The following DLC1 variants were observed in gnomAD, a reference collection of about 807,000 sequenced individuals.
DLC1 encodes the protein DLC1 Rho GTPase activating protein.
DLC1 carries 54 observed loss-of-function variants against 140.3 expected under a neutral mutation model. The observed-to-expected ratio is 0.38, with a 90% confidence interval of 0.31 to 0.48. The LOEUF is 0.48. DLC1 is among the 20% of genes least tolerant of loss of function. DLC1 has a pLI of 0.96. For synonymous variants in DLC1, 986 were observed against 728.1 expected (o/e 1.35, Z -5.70); for missense variants, 2,536 against 1,907.0 (o/e 1.33, Z -6.14).
At chr8:13,344,248 C>T (rs1834207543) in intron 4 of DLC1, among the ~76,000 whole-genome samples, 1 of 152,160 alleles carries the variant, frequency 6.6e-6, no homozygotes, top group African/African-American at 2.4e-5. Context: ...AATCCCAGCA[C>T]TTTGGGAGGC....
intron 5 of DLC1, among the ~76,000 whole-genome samples, chr8:13,218,654 G>C (rs1198913217): frequency 6.6e-6 from 1 of 150,924 alleles, no homozygotes; most frequent in Non-Finnish European, 1.5e-5. Flanking sequence ...TAGAGAAACT[G>C]GTTCACGCAT....
At chr8:13,202,444 T>C (rs1827439421) in intron 5 of DLC1, among the ~76,000 whole-genome samples, 1 of 152,178 alleles carries the variant, frequency 6.6e-6, no homozygotes. Flanking sequence ...CAAGTTTGTA[T>C]TCCTGGATAT....
chr8:13,339,307 G>A (rs1035326960), intron 4 of DLC1: 1 of 152,198 alleles, frequency 6.6e-6, no homozygotes. Context: ...GGCTGCCAGC[G>A]ACAACCTTCT....
chr8:13,123,750 T>C (rs865968898), intron 5 of DLC1, among the ~76,000 whole-genome samples: 61 of 152,216 alleles, frequency 4.0e-4, no homozygotes, highest in African/African-American at 1.5e-3. Context: ...AGGGCAAGCT[T>C]CTTTGTCCAT....
intron 1 of DLC1, among the ~76,000 whole-genome samples, chr8:13,563,934 C>G (rs1804334479): frequency 6.6e-6 from 1 of 151,984 alleles, no homozygotes; most frequent in Admixed American, 6.6e-5. Flanking sequence ...AACCAAAATT[C>G]AGTATAATCT....
chr8:13,489,232 C>T (rs978148700), intron 2 of DLC1, among the ~76,000 whole-genome samples: 18 of 152,074 alleles, frequency 1.2e-4, no homozygotes, highest in African/African-American at 4.1e-4. Context: ...CAGGCGTGAG[C>T]CACCGTGCCT....
rs139265676 is a variant in DLC1, at chr8:13,200,475, G to A, written c.1349-84818C>T. Among the ~76,000 whole-genome samples the A allele has an allele frequency of 2.3e-3, 343 of 152,208 alleles. 4 individuals carry two copies. Among genetic ancestry groups the A allele is most frequent in the Admixed American group, 0.018 (269 of 15,278 alleles). On this transcript the variant is annotated intron_variant, in intron 5 of 17. Coordinates refer to ENST00000276297, the MANE Select transcript of DLC1 (RefSeq NM_182643.3). ...TGGCAGAGCTGATTCCTAACCAGAC[G>A]AATTGGTTTAGGAACCCACATTCTT...
Position 13,092,743 on chromosome 8 carries a change from G to T in DLC1, c.3609C>A (p.Thr1203=), listed in dbSNP as rs145989730. 151 of 1,613,972 alleles carry T rather than the reference G, an allele frequency of 9.4e-5. No individual in the cohort carries two copies. The highest frequency in any genetic ancestry group is 3.0e-4 in the Admixed American group (18 of 59,988). ...LPDENREVLQ[T]LLYFLSDVTA... is the part of the protein sequence containing the mutation. ...TGACATCGCTCAGGAAATAAAGCAG[G>T]GTCTGCAGAACCTCCCGGTTCTCGT... The change falls in exon 13 of 18, where the codon ACC becomes ACA. Residue 1203 remains threonine, a synonymous_variant. Transcript: ENST00000276297.
chr8:13,157,849 C>T (rs1261866871), intron 5 of DLC1, among the ~76,000 whole-genome samples: 1 of 152,056 alleles, frequency 6.6e-6, no homozygotes, highest in Non-Finnish European at 1.5e-5. Flanking sequence ...GACGTTTTTT[C>T]CTCTCAATTT....
intron 5 of DLC1, among the ~76,000 whole-genome samples, chr8:13,194,437 T>G (rs1192236250): frequency 1.3e-5 from 2 of 152,218 alleles, no homozygotes; most frequent in African/African-American, 4.8e-5. Context: ...TTGTAAAGAA[T>G]GCTTTTGCTG....
At chr8:13,568,933 T>A (rs1245543458) in intron 1 of DLC1, among the ~76,000 whole-genome samples, 4 of 152,222 alleles carry the variant, frequency 2.6e-5, no homozygotes, top group Non-Finnish European at 5.9e-5. Flanking sequence ...TTGAAATATT[T>A]AGCTGTAAGG....
chr8:13,515,134 T>C (rs1802543397), upstream of DLC1, among the ~76,000 whole-genome samples: 1 of 152,184 alleles, frequency 6.6e-6, no homozygotes, highest in Admixed American at 6.5e-5. Flanking sequence ...CGTAGTTTTC[T>C]CTCTATCCAC....
intron 1 of DLC1, among the ~76,000 whole-genome samples, chr8:13,552,111 G>GTGTATTATATA (rs1279225632): frequency 1.8e-5 from 1 of 54,534 alleles, no homozygotes; most frequent in Non-Finnish European, 3.3e-5. Flanking sequence ...GTCTAGAGGT[G>GTGTATTATATA]TATATATATA....
intron 1 of DLC1, among the ~76,000 whole-genome samples, chr8:13,528,970 T>A (rs1803007113): frequency 6.6e-6 from 1 of 152,146 alleles, no homozygotes; most frequent in Non-Finnish European, 1.5e-5. Flanking sequence ...TTGAACACTG[T>A]CCTTAGCTTA....
At chr8:13,427,285 G>A (rs1481955531) in intron 2 of DLC1, among the ~76,000 whole-genome samples, 1 of 151,980 alleles carries the variant, frequency 6.6e-6, no homozygotes, top group Non-Finnish European at 1.5e-5. Flanking sequence ...GTCCAACTCG[G>A]CTCATGGGGC....
At chr8:13,273,133 C>A (rs1439783770) in intron 5 of DLC1, among the ~76,000 whole-genome samples, 1 of 152,130 alleles carries the variant, frequency 6.6e-6, no homozygotes, top group East Asian at 1.9e-4. Flanking sequence ...GATCCGTGGG[C>A]ACAAAAGCAG....
At chr8:13,528,341 T>A (rs1802985388) in intron 1 of DLC1, among the ~76,000 whole-genome samples, 1 of 152,172 alleles carries the variant, frequency 6.6e-6, no homozygotes, top group Non-Finnish European at 1.5e-5. Flanking sequence ...AATGAAAATT[T>A]AAAAAACTTA....
chr8:13,453,722 G>A (rs185098242), intron 2 of DLC1, among the ~76,000 whole-genome samples: 16 of 150,074 alleles, frequency 1.1e-4, no homozygotes, highest in Admixed American at 4.0e-4. Context: ...TTTATTCAAC[G>A]TCCTGTAATT....
chr8:13,506,581 G>GTGTGTATATATATATATA (rs1246764417), intron 1 of DLC1, among the ~76,000 whole-genome samples: 10 of 131,134 alleles, frequency 7.6e-5, no homozygotes, highest in South Asian at 5.1e-4. Context: ...GTGTGTGTGT[G>GTGTGTATATATATATATA]TATATATATA....
Sources: gnomAD v4.1 joint callset for allele counts (sites outside exome capture counted in the v4.1 genomes callset) on GRCh38, gnomAD v4.1.1 for gene constraint, MANE v1.5 for transcripts, NCBI Gene and HGNC (gene_info 2026-07-23, HGNC 2026-07-21) for gene names.